Variants in ITGA4 observed in about 807,000 individuals in gnomAD.
ITGA4 encodes integrin alpha-4.
In ITGA4, 63 loss-of-function variants were observed where a neutral mutation model predicts 133.6. The ratio of observed to expected loss-of-function variants is 0.47; its 90% CI spans 0.38 to 0.58. The LOEUF is 0.58. Ranked by LOEUF, ITGA4 falls within the 20% of genes least tolerant of loss-of-function variation. ITGA4 has a pLI of 0.00. For synonymous variants in ITGA4, 483 were observed against 438.0 expected (o/e 1.10, Z -1.28); for missense variants, 1,076 against 1,252.7 (o/e 0.86, Z 2.13).
Position 181,475,115 on chromosome 2 carries a change from G to C in ITGA4, c.427-44G>C, listed in dbSNP as rs1359210158. ...GATCCATCGTGAAATCAGCTATCCT[G>C]GGTGCAGCTTTCACATCATTTGGTC... On this transcript the variant is annotated intron_variant, in intron 3 of 27. Coordinates refer to ENST00000397033, the MANE Select transcript of ITGA4 (RefSeq NM_000885.6). The C allele has an allele frequency of 4.3e-6, 7 of 1,613,316 alleles. No individual in the cohort carries two copies. In the East Asian group the frequency reaches 6.7e-5, roughly 15 times the overall value.
At chr2:181,494,655 A>G in intron 11 of ITGA4, 67 bp from the exon 12 acceptor site, 1 of 838,498 alleles carries the variant, frequency 1.2e-6, no homozygotes, top group Non-Finnish European at 2.1e-6. Context: ...TTATTTAGCT[A>G]AATCATTGCT....
chr2:181,485,262 A>G (rs1685889830), intron 9 of ITGA4, among the ~76,000 whole-genome samples: 1 of 152,200 alleles, frequency 6.6e-6, no homozygotes, highest in South Asian at 2.1e-4. Context: ...TGTCTCATTC[A>G]TTATACATAC....
At chr2:181,525,361 G>T in intron 21 of ITGA4, 70 bp downstream of exon 21, 1 of 785,046 alleles carries the variant, frequency 1.3e-6, no homozygotes, top group Non-Finnish European at 2.1e-6. Context: ...TTACATTAAT[G>T]AAAAAACTGT....
At chr2:181,473,079 A>G (rs1266893496) in intron 2 of ITGA4, among the ~76,000 whole-genome samples, 1 of 152,222 alleles carries the variant, frequency 6.6e-6, no homozygotes, top group African/African-American at 2.4e-5. Flanking sequence ...CTGTCGAGAA[A>G]AACATTCTCT....
Position 181,494,794 on chromosome 2 carries a change from GATA to G in ITGA4, c.1327_1329del (p.Asn443del). 1 of 1,556,748 alleles carries G rather than the reference GATA, an allele frequency of 6.4e-7. No individual in the cohort carries two copies. Among genetic ancestry groups the G allele is most frequent in the Non-Finnish European group, 8.9e-7 (1 of 1,128,092 alleles). ...GTCTATATCAGGACAAATTGATGCA[GATA>G]ATAATGGCTATGTAGGTGAGTAATT... is the stretch of plus-strand genomic sequence containing the variant. On this transcript the variant is annotated inframe_deletion, in exon 12 of 28. Transcript: ENST00000397033.
rs1259174860 is a variant in ITGA4, at chr2:181,528,504, CAA to C, written c.2431-1036_2431-1035del. Among the ~76,000 whole-genome samples, 10 of 152,286 alleles carry C rather than the reference CAA, an allele frequency of 6.6e-5. No homozygotes were observed. The East Asian group carries it at 1.9e-3, about 29-fold the overall frequency. On this transcript the variant is annotated intron_variant, in intron 22 of 27. Coordinates refer to ENST00000397033, the MANE Select transcript of ITGA4 (RefSeq NM_000885.6). ...AGTATATAGGATTTCTGTGTCTAGTCAACTATGTAGATATTCTTAGAGGTTTA... is the reference window on the plus strand; with the variant it reads ...AGTATATAGGATTTCTGTGTCTAGTCCTATGTAGATATTCTTAGAGGTTTA...
At chr2:181,472,540 G>C (rs1353665554) in intron 2 of ITGA4, among the ~76,000 whole-genome samples, 1 of 152,024 alleles carries the variant, frequency 6.6e-6, no homozygotes, top group South Asian at 2.1e-4. Context: ...ATTTTCAGAG[G>C]GAACTTATTA....
rs143570823 is a variant in ITGA4, at chr2:181,490,472, C to A, written c.1154-2853C>A. 8.0e-3 allele frequency among the ~76,000 whole-genome samples: 1,088 copies of A among 135,222 alleles called. 16 individuals carry two copies. The highest frequency in any genetic ancestry group is 0.028 in the African/African-American group (996 of 35,618). 88.7% of individuals were successfully genotyped at this position (135,222 alleles called of 152,430 possible). On this transcript the variant is annotated intron_variant, in intron 10 of 27. Transcript: ENST00000397033. ...ATGATTTCATTTTTTTTTTTTATGGCTGAATAGTATTCGTGTGTGTGTGTG... is the reference window on the plus strand; with the variant it reads ...ATGATTTCATTTTTTTTTTTTATGGATGAATAGTATTCGTGTGTGTGTGTG...
chr2:181,461,968 G>C (rs1452242527), intron 2 of ITGA4, among the ~76,000 whole-genome samples: 1 of 151,974 alleles, frequency 6.6e-6, no homozygotes, highest in Non-Finnish European at 1.5e-5. Context: ...TAAAATTATT[G>C]ATTACATAAT....
intron 24 of ITGA4, among the ~76,000 whole-genome samples, chr2:181,531,369 G>A (rs1451685152): frequency 6.6e-6 from 1 of 152,058 alleles, no homozygotes; most frequent in Non-Finnish European, 1.5e-5. Flanking sequence ...GCAAGACTCT[G>A]ATTAGGAACA....
chr2:181,483,567 TTAAG>T (rs541179419), intron 9 of ITGA4, among the ~76,000 whole-genome samples: 253 of 152,298 alleles, frequency 1.7e-3, no homozygotes, highest in Non-Finnish European at 2.2e-3. Context: ...ACTCTACAAT[TTAAG>T]AAAGAAAACA....
chr2:181,460,240 AAT>A (rs1210715449), intron 2 of ITGA4, among the ~76,000 whole-genome samples: 2 of 151,600 alleles, frequency 1.3e-5, no homozygotes, highest in African/African-American at 4.9e-5. Context: ...CTAGTCAGTC[AAT>A]GAGTTAAAAC....
rs1685642676 is a variant in ITGA4 at position 181,475,060 on chromosome 2, C to T, written c.420C>T (p.Ser140=). The T allele has an allele frequency of 3.1e-6, 5 of 1,613,698 alleles. No homozygotes were observed. The East Asian group carries it at 1.1e-4, about 36-fold the overall frequency. The stretch of plus-strand genomic sequence containing the variant: ...CCAGACAGCCAGGAGAAAATGGATC[C>T]ATCGTGGTAGGTATTGGAACTGGTC... The part of the protein sequence containing the change: ...TLSRQPGENG[S]IVTCGHRWKN... The change falls in exon 3 of 28, where the codon TCC becomes TCT. Residue 140 remains serine, a synonymous_variant. Coordinates refer to ENST00000397033, the MANE Select transcript of ITGA4 (RefSeq NM_000885.6).
chr2:181,524,303 G>T lies in ITGA4; in HGVS notation c.2249+53G>T, dbSNP rs971359104. The T allele has an allele frequency of 1.2e-5, 12 of 1,005,748 alleles. 1 individual carries two copies. Among genetic ancestry groups the T allele is most frequent in the East Asian group, 5.5e-5 (2 of 36,624 alleles). 62.3% of individuals were successfully genotyped at this position (1,005,748 alleles called of 1,614,324 possible). On this transcript the variant is annotated intron_variant, in intron 20 of 27. Transcript: ENST00000397033. ...TAGAAATATACCCCCATATTCTGAG[G>T]GGGGGGAATTAGGAGAACCGTAAAA...
At chr2:181,519,565 T>G (rs58662009) in intron 17 of ITGA4, among the ~76,000 whole-genome samples, 15,963 of 152,156 alleles carry the variant, frequency 0.1, 1,196 homozygotes, top group East Asian at 0.22. Context: ...CAAAATTATT[T>G]TATTTGCATA....
In ITGA4 at chr2:181,473,703, T is replaced by G. The variant is rs573001978; in HGVS notation, c.320-1257T>G. On this transcript the variant is annotated intron_variant, in intron 2 of 27. Coordinates refer to ENST00000397033, the MANE Select transcript of ITGA4 (RefSeq NM_000885.6). The stretch of plus-strand genomic sequence containing the variant: ...ATTAGCCTTACCAGGCATAGTGGCT[T>G]ATGCTGGTAATCCCAGCACTTTAGG... 8.5e-5 allele frequency among the ~76,000 whole-genome samples: 13 copies of G among 152,314 alleles called. No homozygotes were observed. In the South Asian group the frequency reaches 2.7e-3, roughly 32 times the overall value.
chr2:181,525,018 G>C (rs1475569292), intron 20 of ITGA4, among the ~76,000 whole-genome samples, 184 bp from the exon 21 acceptor site: 1 of 150,724 alleles, frequency 6.6e-6, no homozygotes, highest in Non-Finnish European at 1.5e-5. Flanking sequence ...TTTAAATAAT[G>C]AGAGAAATTT....
At chr2:181,484,489 A>G (rs1685872085) in intron 9 of ITGA4, among the ~76,000 whole-genome samples, 1 of 151,984 alleles carries the variant, frequency 6.6e-6, no homozygotes, top group Non-Finnish European at 1.5e-5. Context: ...TCCACTCCTT[A>G]ATTTGGACAT....
At chr2:181,527,578 T>C in intron 22 of ITGA4, 191 bp downstream of exon 22, 1 of 501,366 alleles carries the variant, frequency 2.0e-6, no homozygotes. Context: ...GTCTTGTCCC[T>C]GATATTCAAG....
Sources: gnomAD v4.1 joint callset for allele counts (sites outside exome capture counted in the v4.1 genomes callset) on GRCh38, gnomAD v4.1.1 for gene constraint, MANE v1.5 for transcripts, NCBI Gene and HGNC (gene_info 2026-07-23, HGNC 2026-07-21) for gene names.